The following LRMDA variants were observed in gnomAD, a reference collection of about 807,000 sequenced individuals.
LRMDA encodes the protein leucine-rich melanocyte differentiation-associated protein.
A neutral mutation model predicts 29.8 loss-of-function variants in LRMDA; 18 were observed. That is an observed-to-expected ratio of 0.60 (90% CI 0.42 to 0.90). LRMDA has a LOEUF of 0.90. Ranked by LOEUF, LRMDA falls within the 40% of genes least tolerant of loss-of-function variation. The pLI is 0.00. For synonymous variants in LRMDA, 125 were observed against 109.4 expected (o/e 1.14, Z -0.89); for missense variants, 273 against 273.9 (o/e 1.00, Z 0.02).
intron 6 of LRMDA, among the ~76,000 whole-genome samples, chr10:76,544,656 C>T (rs1233189680): frequency 6.6e-6 from 1 of 151,504 alleles, no homozygotes; most frequent in Non-Finnish European, 1.5e-5. Flanking sequence ...CTTCCTTAAC[C>T]TACAGTTTCT....
At chr10:75,720,296 A>G (rs1391498632) in intron 2 of LRMDA, among the ~76,000 whole-genome samples, 1 of 152,212 alleles carries the variant, frequency 6.6e-6, no homozygotes, top group Non-Finnish European at 1.5e-5. Flanking sequence ...CGGAGAGAAC[A>G]CACGGGCAGG....
chr10:76,370,335 C>T (rs1841439584), intron 6 of LRMDA, among the ~76,000 whole-genome samples: 1 of 152,068 alleles, frequency 6.6e-6, no homozygotes, highest in Non-Finnish European at 1.5e-5. Flanking sequence ...TGCCTGGGGT[C>T]ATATTGTTTT....
chr10:75,552,432 C>T (rs775967740), intron 2 of LRMDA: 7 of 289,530 alleles, frequency 2.4e-5, no homozygotes, highest in African/African-American at 9.3e-5. Context: ...TTTTCCCCCC[C>T]CTCTGGCTGC....
intron 2 of LRMDA, among the ~76,000 whole-genome samples, chr10:75,769,948 A>C (rs537233704): frequency 3.9e-5 from 6 of 152,106 alleles, no homozygotes; most frequent in Non-Finnish European, 8.8e-5. Context: ...GCACCACTGC[A>C]CTCCAGCCTG....
chr10:76,121,658 T>A (rs1165416462), intron 5 of LRMDA, among the ~76,000 whole-genome samples: 1 of 152,212 alleles, frequency 6.6e-6, no homozygotes, highest in Non-Finnish European at 1.5e-5. Flanking sequence ...GTTTCTGTTT[T>A]CCCCAGTACG....
At chr10:76,336,372 C>T (rs1398867508) in intron 6 of LRMDA, among the ~76,000 whole-genome samples, 1 of 152,152 alleles carries the variant, frequency 6.6e-6, no homozygotes, top group Non-Finnish European at 1.5e-5. Context: ...GTTCTTAGTC[C>T]TCAGCTCTTT....
chr10:75,818,471 G>C (rs996099415), intron 2 of LRMDA, among the ~76,000 whole-genome samples: 17 of 152,178 alleles, frequency 1.1e-4, no homozygotes, highest in African/African-American at 3.6e-4. Context: ...TGGTGTGTAG[G>C]TGACTCAGAT....
chr10:75,714,203 A>G (rs1842471041), intron 2 of LRMDA, among the ~76,000 whole-genome samples: 1 of 152,192 alleles, frequency 6.6e-6, no homozygotes, highest in South Asian at 2.1e-4. Flanking sequence ...AAAGAAATTA[A>G]TAAGTTATCT....
In LRMDA at chr10:76,425,377, G is replaced by A. The variant is rs1332587393; in HGVS notation, c.601+100892G>A. 5.3e-5 allele frequency among the ~76,000 whole-genome samples: 8 copies of A among 150,040 alleles called. No homozygotes were observed. The East Asian group carries it at 1.6e-3, about 29-fold the overall frequency. ...TCTTTTTTTTTCTTTTTTAACCATT[G>A]TCATGAGACAGACTCAAGTTCAAAT... On this transcript the variant is annotated intron_variant, in intron 6 of 6. Coordinates refer to ENST00000611255, the MANE Select transcript of LRMDA (RefSeq NM_001305581.2).
chr10:75,810,517 T>C (rs1293825872), intron 2 of LRMDA, among the ~76,000 whole-genome samples: 1 of 152,202 alleles, frequency 6.6e-6, no homozygotes, highest in African/African-American at 2.4e-5. Context: ...AGATTCTGGC[T>C]TTGAACCCCT....
chr10:75,757,493 G>A (rs575447176), intron 2 of LRMDA, among the ~76,000 whole-genome samples: 119 of 152,244 alleles, frequency 7.8e-4, no homozygotes, highest in African/African-American at 2.8e-3. Flanking sequence ...TGTCACATGC[G>A]GTTGTTAGGG....
chr10:75,971,879 G>A (rs1387277906), intron 2 of LRMDA, among the ~76,000 whole-genome samples: 3 of 152,146 alleles, frequency 2.0e-5, no homozygotes, highest in Admixed American at 1.3e-4. Context: ...TTTGGCCAAC[G>A]ACTTCTGTGT....
intron 3 of LRMDA, among the ~76,000 whole-genome samples, chr10:76,037,029 C>A (rs1032637375): frequency 3.3e-5 from 5 of 152,194 alleles, no homozygotes; most frequent in African/African-American, 1.2e-4. Context: ...TTATTGAGCA[C>A]TCCTAGGAAT....
intron 2 of LRMDA, among the ~76,000 whole-genome samples, chr10:75,709,821 A>G (rs1283262329): frequency 6.6e-6 from 1 of 152,144 alleles, no homozygotes; most frequent in Non-Finnish European, 1.5e-5. Context: ...CCTCCCTGAA[A>G]GGCATTAAGG....
intron 2 of LRMDA, among the ~76,000 whole-genome samples, chr10:75,444,917 C>T (rs180795778): frequency 9.2e-5 from 14 of 152,228 alleles, no homozygotes; most frequent in African/African-American, 3.4e-4. Context: ...TCAATAAATA[C>T]TTTACTGCGT....
chr10:75,857,137 G>A (rs1413822725), intron 2 of LRMDA, among the ~76,000 whole-genome samples: 2 of 152,176 alleles, frequency 1.3e-5, no homozygotes, highest in East Asian at 1.9e-4. Flanking sequence ...AATGGGGATC[G>A]ATCATTGCAC....
chr10:76,168,802 T>C (rs1053996139), intron 5 of LRMDA, among the ~76,000 whole-genome samples: 6 of 152,200 alleles, frequency 3.9e-5, no homozygotes, highest in Non-Finnish European at 8.8e-5. Flanking sequence ...CCACACATTC[T>C]TTTGCTTTAT....
chr10:76,067,996 G>C (rs570457280), intron 5 of LRMDA, among the ~76,000 whole-genome samples: 2 of 152,362 alleles, frequency 1.3e-5, no homozygotes, highest in South Asian at 4.1e-4. Flanking sequence ...CTGCAAGAAG[G>C]GGGCAGGCAG....
intron 6 of LRMDA, among the ~76,000 whole-genome samples, chr10:76,441,155 T>C (rs1842298422): frequency 6.6e-6 from 1 of 152,144 alleles, no homozygotes; most frequent in East Asian, 1.9e-4. Context: ...GGGTGACTCT[T>C]TCATCTTGGG....
Sources: allele counts gnomAD v4.1 joint callset (sites outside exome capture counted in the v4.1 genomes callset), GRCh38; gene constraint gnomAD v4.1.1; transcripts MANE v1.5; gene names NCBI Gene and HGNC (gene_info 2026-07-23, HGNC 2026-07-21).